Variants in PMEPA1 observed in about 807,000 individuals in gnomAD.
PMEPA1 encodes the protein protein TMEPAI.
A neutral mutation model predicts 23.0 loss-of-function variants in PMEPA1; 11 were observed. The ratio of observed to expected loss-of-function variants is 0.48; its 90% CI spans 0.30 to 0.79. The LOEUF is 0.79. Ranked by LOEUF, PMEPA1 falls within the 30% of genes least tolerant of loss-of-function variation. The pLI, the probability that PMEPA1 is intolerant of heterozygous loss-of-function variation, is 0.06. For synonymous variants in PMEPA1, 204 were observed against 166.4 expected, an observed-to-expected ratio of 1.23 and a Z score of -1.74; for missense variants, 377 against 390.9, an observed-to-expected ratio of 0.96 and a Z score of 0.30.
chr20:57,683,628 T>C lies in PMEPA1; in HGVS notation c.110-23931A>G, dbSNP rs553735731. ...CCCCTGAAAATACTTCATGTTGATA[T>C]TTCTTCTTAAAGATGCTGTAATTAT... On this transcript the variant is annotated intron_variant, in intron 1 of 3. Transcript: ENST00000341744. This position sits in a 1 kb window ranked among gnomAD's most constrained non-coding sequence, Gnocchi z 4.3. Among the ~76,000 whole-genome samples the C allele has an allele frequency of 1.2e-4, 18 of 151,962 alleles. No individual in the cohort carries two copies. The highest frequency in any genetic ancestry group is 4.4e-4 in the African/African-American group (18 of 41,364).
intron 1 of PMEPA1, among the ~76,000 whole-genome samples, chr20:57,670,002 G>C (rs1179303764): frequency 6.6e-6 from 1 of 152,170 alleles, no homozygotes; most frequent in Non-Finnish European, 1.5e-5. Flanking sequence ...TGCTGCGGGA[G>C]GGGCTCGGAA....
In PMEPA1 at chr20:57,651,639, TTATA is replaced by T. The variant is rs941063440; in HGVS notation, c.*410_*413del. On this transcript the variant is annotated 3_prime_UTR_variant, in exon 4 of 4. Transcript: ENST00000341744. ...CCTCGCACATACAGTTTCTCTTATC[TTATA>T]TATATTTATATATATAATATTGCAG... 1 of 150,968 alleles carries T rather than the reference TTATA, an allele frequency of 6.6e-6. No individual in the cohort carries two copies. The highest frequency in any genetic ancestry group is 1.5e-5 in the Non-Finnish European group (1 of 67,728). 9.4% of individuals were successfully genotyped at this position (150,968 alleles called of 1,614,324 possible).
intron 1 of PMEPA1, among the ~76,000 whole-genome samples, chr20:57,666,776 A>C (rs2071498633): frequency 6.6e-6 from 1 of 152,186 alleles, no homozygotes; most frequent in African/African-American, 2.4e-5. Flanking sequence ...CTGCCATGGC[A>C]TAACACAGAC....
At chr20:57,673,318 C>T (rs1020033126) in intron 1 of PMEPA1, among the ~76,000 whole-genome samples, 3 of 152,162 alleles carry the variant, frequency 2.0e-5, no homozygotes, top group Non-Finnish European at 4.4e-5. Context: ...CTGGCTGTCT[C>T]TGGCAGTTTT....
At chr20:57,701,895 G>A (rs1388637956) in intron 1 of PMEPA1, among the ~76,000 whole-genome samples, 1 of 152,118 alleles carries the variant, frequency 6.6e-6, no homozygotes, top group African/African-American at 2.4e-5. Context: ...ACAACCCCTC[G>A]GTGCTTGGTG....
At chr20:57,653,413 G>C (rs55640716) in intron 2 of PMEPA1, among the ~76,000 whole-genome samples, 1 of 152,160 alleles carries the variant, frequency 6.6e-6, no homozygotes, top group Non-Finnish European at 1.5e-5. Flanking sequence ...CTTCTCACCA[G>C]GCTGAACATG....
intron 1 of PMEPA1, among the ~76,000 whole-genome samples, chr20:57,666,086 CG>C (rs994969902): frequency 3.9e-5 from 6 of 152,108 alleles, no homozygotes; most frequent in African/African-American, 1.4e-4. Flanking sequence ...AGCAGGCTCT[CG>C]GGGGTGACCA....
At chr20:57,693,431 C>T (rs760161707) in intron 1 of PMEPA1, among the ~76,000 whole-genome samples, 2 of 152,232 alleles carry the variant, frequency 1.3e-5, no homozygotes, top group Non-Finnish European at 2.9e-5. Flanking sequence ...ACAAGCCAGA[C>T]AGGCGGCAGA....
At chr20:57,695,036 C>T (rs2071927902) in intron 1 of PMEPA1, among the ~76,000 whole-genome samples, 1 of 152,250 alleles carries the variant, frequency 6.6e-6, no homozygotes, top group African/African-American at 2.4e-5. Context: ...CCTTCAAACA[C>T]CCACCTCAGC....
chr20:57,651,586 G>T lies in PMEPA1; in HGVS notation c.*467C>A, dbSNP rs1329418697. On this transcript the variant is annotated 3_prime_UTR_variant, in exon 4 of 4. Transcript: ENST00000341744. ...AGAAAACAACTTTTTTTTTTAATAG[G>T]CCTCTTCTAATACAAAAATACTCCT... 1 of 150,104 alleles carries T rather than the reference G, an allele frequency of 6.7e-6. No homozygotes were observed. The highest frequency in any genetic ancestry group is 2.5e-5 in the African/African-American group (1 of 40,648). The allele number at this position is 150,104 out of a possible 1,614,324, so 9.3% of individuals were successfully genotyped here.
chr20:57,654,361 C>A (rs895893489), intron 2 of PMEPA1, among the ~76,000 whole-genome samples: 1 of 152,150 alleles, frequency 6.6e-6, no homozygotes, highest in Non-Finnish European at 1.5e-5. Flanking sequence ...CAAACGTTCC[C>A]TTGGGGCAGG....
chr20:57,672,763 C>G (rs1364514837), intron 1 of PMEPA1, among the ~76,000 whole-genome samples: 1 of 152,158 alleles, frequency 6.6e-6, no homozygotes, highest in East Asian at 1.9e-4. Flanking sequence ...GGAGTCGAAT[C>G]CAATTCAGTA....
chr20:57,665,082 A>C (rs2071473959), intron 1 of PMEPA1, among the ~76,000 whole-genome samples: 3 of 152,214 alleles, frequency 2.0e-5, no homozygotes, highest in Non-Finnish European at 4.4e-5. Flanking sequence ...ATTGCCAAGC[A>C]GTCATAGGCC....
intron 1 of PMEPA1, among the ~76,000 whole-genome samples, chr20:57,675,571 G>A (rs2071625534): frequency 6.6e-6 from 1 of 152,042 alleles, no homozygotes. Context: ...TGCTACGAGT[G>A]TTTTCCGGTT....
chr20:57,686,156 T>C (rs1171000666), intron 1 of PMEPA1, among the ~76,000 whole-genome samples: 1 of 152,088 alleles, frequency 6.6e-6, no homozygotes, highest in Non-Finnish European at 1.5e-5. Flanking sequence ...GACCTCTCCT[T>C]CAGGTTACAC....
intron 1 of PMEPA1, among the ~76,000 whole-genome samples, chr20:57,684,868 T>G (rs947316821): frequency 2.4e-4 from 35 of 145,750 alleles, no homozygotes; most frequent in Non-Finnish European, 3.8e-4. Flanking sequence ...GAGGGGGGGG[T>G]CTCTGCCCAC....
chr20:57,676,885 G>A (rs992007245), intron 1 of PMEPA1, among the ~76,000 whole-genome samples: 5 of 152,018 alleles, frequency 3.3e-5, no homozygotes, highest in East Asian at 1.9e-4. Flanking sequence ...CACACCCCCC[G>A]TCTATTCTCC....
intron 1 of PMEPA1, among the ~76,000 whole-genome samples, chr20:57,701,239 G>A (rs551286019): frequency 3.3e-5 from 5 of 152,096 alleles, no homozygotes; most frequent in Non-Finnish European, 2.9e-5. Flanking sequence ...ACCTGATACC[G>A]CCGAAGTTGA....
rs78421843 is a variant in PMEPA1 at position 57,656,371 on chromosome 20, G to C, written c.264+3172C>G. ...GGCCCTTGGTGGGCTGGGTTCTCTC[G>C]GGAGCAGGAGACCCACACTGAGGAC... On this transcript the variant is annotated intron_variant, in intron 2 of 3. Coordinates refer to ENST00000341744, the MANE Select transcript of PMEPA1 (RefSeq NM_020182.5). This position sits in a 1 kb window ranked among gnomAD's most constrained non-coding sequence, Gnocchi z 4.7. Among the ~76,000 whole-genome samples the C allele has an allele frequency of 6.6e-6, 1 of 151,590 alleles. No homozygotes were observed. The highest frequency in any genetic ancestry group is 2.1e-4 in the South Asian group (1 of 4,800).
Sources: allele counts gnomAD v4.1 joint callset (sites outside exome capture counted in the v4.1 genomes callset), GRCh38; gene constraint gnomAD v4.1.1; non-coding constraint Gnocchi (gnomAD v3.1); transcripts MANE v1.5; gene names NCBI Gene and HGNC (gene_info 2026-07-23, HGNC 2026-07-21).